Variants in NCEH1 observed in about 807,000 individuals in gnomAD.
NCEH1 encodes 2-acetyl MAGE hydrolase.
A neutral mutation model predicts 25.4 loss-of-function variants in NCEH1; 9 were observed. The ratio of observed to expected loss-of-function variants is 0.35; its 90% CI spans 0.21 to 0.62. The LOEUF (loss-of-function observed/expected upper bound fraction) is 0.62, where lower values mean the gene tolerates loss of function less well. Ranked by LOEUF, NCEH1 falls within the 20% of genes least tolerant of loss-of-function variation. The pLI is 0.72. For synonymous variants in NCEH1, 200 were observed against 199.8 expected (o/e 1.00, Z -0.01); for missense variants, 412 against 501.1 (o/e 0.82, Z 1.70).
At chr3:172,643,300 T>C (rs1716951011) in intron 3 of NCEH1, among the ~76,000 whole-genome samples, 1 of 152,172 alleles carries the variant, frequency 6.6e-6, no homozygotes, top group Non-Finnish European at 1.5e-5. Context: ...CTCGAACTCC[T>C]GGGCTCAAGT....
At chr3:172,657,192 C>G (rs534376779) in intron 1 of NCEH1, among the ~76,000 whole-genome samples, 1 of 152,238 alleles carries the variant, frequency 6.6e-6, no homozygotes, top group South Asian at 2.1e-4. Context: ...GAAGTATTTA[C>G]CAGCAGCCTA....
intron 1 of NCEH1, among the ~76,000 whole-genome samples, chr3:172,685,962 T>C (rs533087432): frequency 3.1e-4 from 47 of 152,308 alleles, no homozygotes; most frequent in African/African-American, 1.1e-3. Flanking sequence ...GACACAACTT[T>C]GCAATGAGAG....
chr3:172,646,227 C>A (rs574750866), intron 2 of NCEH1, among the ~76,000 whole-genome samples: 1 of 152,056 alleles, frequency 6.6e-6, no homozygotes, highest in African/African-American at 2.4e-5. Flanking sequence ...TAGTGGTGCA[C>A]GCCTGCAGTC....
chr3:172,675,587 G>T (rs1195590484), intron 1 of NCEH1, among the ~76,000 whole-genome samples: 6 of 152,088 alleles, frequency 3.9e-5, no homozygotes, highest in African/African-American at 1.4e-4. Context: ...AATCATTAAA[G>T]GAAAGGAATT....
chr3:172,671,510 C>CATACACAT (rs34527356), intron 1 of NCEH1, among the ~76,000 whole-genome samples: 1 of 144,512 alleles, frequency 6.9e-6, no homozygotes, highest in African/African-American at 2.6e-5. Flanking sequence ...TACACATACA[C>CATACACAT]ACACACACAC....
chr3:172,698,772 C>T (rs926684520), intron 1 of NCEH1, among the ~76,000 whole-genome samples: 2 of 152,172 alleles, frequency 1.3e-5, no homozygotes, highest in Admixed American at 6.5e-5. Flanking sequence ...CAGAAAACAG[C>T]GAGGCTTGCA....
chr3:172,637,475 G>C (rs913679377), intron 3 of NCEH1, among the ~76,000 whole-genome samples: 1 of 152,186 alleles, frequency 6.6e-6, no homozygotes, highest in Non-Finnish European at 1.5e-5. Flanking sequence ...TAGTTGGGCT[G>C]AGAGCGGTGG....
At chr3:172,689,288 C>T (rs1321540270) in intron 1 of NCEH1, among the ~76,000 whole-genome samples, 19 of 106,724 alleles carry the variant, frequency 1.8e-4, no homozygotes, top group African/African-American at 6.8e-4. Flanking sequence ...GATGGAGCTT[C>T]GCTCTTGTTG....
intron 3 of NCEH1, among the ~76,000 whole-genome samples, chr3:172,645,277 C>G (rs1717063683): frequency 6.6e-6 from 1 of 152,146 alleles, no homozygotes; most frequent in Non-Finnish European, 1.5e-5. Flanking sequence ...TTTCAACTCT[C>G]AGCTGTAGAA....
chr3:172,674,370 G>C (rs1199947048), intron 1 of NCEH1, among the ~76,000 whole-genome samples: 1 of 151,158 alleles, frequency 6.6e-6, no homozygotes, highest in African/African-American at 2.4e-5. Context: ...TTGAACCCGG[G>C]AGGCGGAGGT....
At chr3:172,639,679 T>A (rs990641717) in intron 3 of NCEH1, among the ~76,000 whole-genome samples, 1 of 152,194 alleles carries the variant, frequency 6.6e-6, no homozygotes, top group East Asian at 1.9e-4. Flanking sequence ...TTTGCCCAAC[T>A]CACTTCAGGG....
intron 1 of NCEH1, among the ~76,000 whole-genome samples, chr3:172,652,949 C>T (rs1717478672): frequency 6.6e-6 from 1 of 152,082 alleles, no homozygotes; most frequent in Non-Finnish European, 1.5e-5. Context: ...AAGTGATCCA[C>T]CCGTCTTGGC....
chr3:172,680,323 C>T (rs759802262), intron 1 of NCEH1, among the ~76,000 whole-genome samples: 15 of 152,172 alleles, frequency 9.9e-5, no homozygotes, highest in Admixed American at 2.0e-4. Context: ...AGCTGGTGGC[C>T]TCTCTCAGGC....
intron 1 of NCEH1, among the ~76,000 whole-genome samples, chr3:172,664,455 G>A (rs187508537): frequency 2.1e-4 from 32 of 152,202 alleles, no homozygotes; most frequent in African/African-American, 7.2e-4. Flanking sequence ...TGCTCTTCAC[G>A]AGGAGTATCT....
At position 172,633,905 on chromosome 3, in the gene NCEH1, A is replaced by G; in HGVS notation, c.797T>C (p.Met266Thr). The change falls in exon 5 of 5, where the codon ATG becomes ACG. Residue 266 changes from methionine (M) to threonine (T), a missense_variant. Physicochemically the swap from Met to Thr is moderately conservative, Grantham distance 81. Coordinates refer to ENST00000475381, the MANE Select transcript of NCEH1 (RefSeq NM_020792.6). ...AAGTGAAGTGTGATTGTTAACGATC[A>G]TTGCCTGCACAAAGTCATAGTTGCC... ...FKGNYDFVQA[M>T]IVNNHTSLDV... 1.2e-6 allele frequency: 2 copies of G among 1,614,254 alleles called. No individual in the cohort carries two copies. The highest frequency in any genetic ancestry group is 1.7e-6 in the Non-Finnish European group (2 of 1,180,038).
At chr3:172,656,791 G>C (rs900196148) in intron 1 of NCEH1, among the ~76,000 whole-genome samples, 1 of 151,996 alleles carries the variant, frequency 6.6e-6, no homozygotes, top group Non-Finnish European at 1.5e-5. Context: ...ACTTTTCAAA[G>C]ACTGCCCTCT....
intron 1 of NCEH1, among the ~76,000 whole-genome samples, chr3:172,666,379 C>T (rs372454001): frequency 6.6e-6 from 1 of 152,152 alleles, no homozygotes; most frequent in Non-Finnish European, 1.5e-5. Flanking sequence ...CTGGTCAAAC[C>T]AATCCCCTGG....
At chr3:172,679,671 A>C (rs1378523143) in intron 1 of NCEH1, among the ~76,000 whole-genome samples, 1 of 152,042 alleles carries the variant, frequency 6.6e-6, no homozygotes, top group East Asian at 1.9e-4. Context: ...ACAACCCCTG[A>C]ATCATCTCTT....
At chr3:172,680,238 G>T (rs1712268805) in intron 1 of NCEH1, among the ~76,000 whole-genome samples, 1 of 152,146 alleles carries the variant, frequency 6.6e-6, no homozygotes. Flanking sequence ...CAAGGTAATG[G>T]GTGAGGCATC....
Sources: allele counts gnomAD v4.1 joint callset (sites outside exome capture counted in the v4.1 genomes callset), GRCh38; gene constraint gnomAD v4.1.1; transcripts MANE v1.5; gene names NCBI Gene and HGNC (gene_info 2026-07-23, HGNC 2026-07-21).